Variants in MDN1 observed in about 807,000 individuals in gnomAD.
MDN1 encodes midasin.
MDN1 carries 266 observed loss-of-function variants against 669.2 expected under a neutral mutation model. The ratio of observed to expected loss-of-function variants is 0.40; its 90% CI spans 0.36 to 0.44. MDN1 has a LOEUF of 0.44. Ranked by LOEUF, MDN1 falls within the 20% of genes least tolerant of loss-of-function variation. MDN1 has a pLI of 1.00. For missense variants in MDN1, 5,940 were observed against 6,754.0 expected (o/e 0.88, Z 4.22); for synonymous variants, 2,385 against 2,457.1 (o/e 0.97, Z 0.87).
At chr6:89,749,115 C>A (rs1816822790) in intron 26 of MDN1, 108 bp downstream of exon 26, 5 of 1,043,648 alleles carry the variant, frequency 4.8e-6, no homozygotes, top group Non-Finnish European at 6.6e-6. Flanking sequence ...AAAAAAAAAT[C>A]TCTACTTGGA....
rs909595226 is a variant in MDN1, at chr6:89,701,459, A to C, written c.8427+99T>G. The C allele has an allele frequency of 2.8e-6, 4 of 1,441,258 alleles. No homozygotes were observed. In the African/African-American group the frequency reaches 4.3e-5, roughly 15 times the overall value. The allele number at this position is 1,441,258 out of a possible 1,614,324, so 89.3% of individuals were successfully genotyped here. A position where few individuals can be genotyped will look rare whatever the true frequency, so the allele number is the denominator to read the frequency against. On this transcript the variant is annotated intron_variant, in intron 55 of 101. Coordinates refer to ENST00000369393, the MANE Select transcript of MDN1 (RefSeq NM_014611.3). Reference sequence around the variant, plus strand: ...AAACTGCAAGAGTTATGCTTTCAAGACAAGGATTAATCTTATACAATGTCA... The same window carrying C: ...AAACTGCAAGAGTTATGCTTTCAAGCCAAGGATTAATCTTATACAATGTCA...
intron 1 of MDN1, among the ~76,000 whole-genome samples, chr6:89,813,592 A>ACC (rs1419591627): frequency 6.6e-6 from 1 of 151,206 alleles, no homozygotes; most frequent in African/African-American, 2.4e-5. Context: ...TTAGCCAGGC[A>ACC]TGGTATTGTG....
At chr6:89,647,783 T>G (rs943468624) in intron 99 of MDN1, among the ~76,000 whole-genome samples, 3 of 152,138 alleles carry the variant, frequency 2.0e-5, no homozygotes, top group Non-Finnish European at 4.4e-5. Flanking sequence ...AGTGAGACCC[T>G]GTCCCTACAA....
chr6:89,695,023 C>G lies in MDN1; in HGVS notation c.9771+582G>C, dbSNP rs1812640419. ...CCAAGGCGGGTGGATCACTTGAGGT[C>G]AGAATTCAAGACCAGCCTGGCCAAG... On this transcript the variant is annotated intron_variant, in intron 61 of 101. Transcript: ENST00000369393. The surrounding 1 kb of genome is among the most constrained non-coding windows in gnomAD (Gnocchi z 4.1). Among the ~76,000 whole-genome samples, 1 of 152,090 alleles carries G rather than the reference C, an allele frequency of 6.6e-6. No individual in the cohort carries two copies. The highest frequency in any genetic ancestry group is 2.1e-4 in the South Asian group (1 of 4,824).
chr6:89,749,273 A>G lies in MDN1; in HGVS notation c.3712T>C (p.Leu1238=), dbSNP rs146636029. The G allele has an allele frequency of 1.9e-6, 3 of 1,613,966 alleles. No homozygotes were observed. In the African/African-American group the frequency reaches 4.0e-5, roughly 22 times the overall value. ...AACTTGCTGCAATAGGAGGGTGGCA[A>G]ACTACACCGCTTGTGCAAGATTGTT... ...LETILHKRCS[L]PPSYCSKLVK... Residue 1238 remains leucine, a synonymous_variant, in exon 26 of 102, where the codon TTG becomes CTG. Coordinates refer to ENST00000369393, the MANE Select transcript of MDN1 (RefSeq NM_014611.3).
At chr6:89,678,885 A>AT in intron 74 of MDN1, 140 bp from the exon 75 acceptor site, 1 of 832,546 alleles carries the variant, frequency 1.2e-6, no homozygotes, top group South Asian at 2.3e-5. Flanking sequence ...GGTACTTAAC[A>AT]TAGTCCCTAG....
intron 33 of MDN1, among the ~76,000 whole-genome samples, chr6:89,735,518 C>T (rs188237744): frequency 6.6e-6 from 1 of 152,066 alleles, no homozygotes; most frequent in Non-Finnish European, 1.5e-5. Context: ...AGATTATAGG[C>T]ACGTACTACC....
intron 29 of MDN1, 125 bp downstream of exon 29, chr6:89,745,148 A>AAAG: frequency 5.9e-6 from 6 of 1,014,514 alleles, no homozygotes; most frequent in East Asian, 3.7e-5. Context: ...AAAAAAAAAA[A>AAAG]AAAAGAAAAA....
At chr6:89,664,659 T>C (rs377060453) in intron 84 of MDN1, 31 bp from the exon 85 acceptor site, 7 of 1,558,390 alleles carry the variant, frequency 4.5e-6, no homozygotes, top group Non-Finnish European at 5.3e-6. Context: ...CATAAATAAA[T>C]GAAACTTTAC....
At chr6:89,660,075 CG>C (rs1584108739) in intron 88 of MDN1, among the ~76,000 whole-genome samples, 2 of 152,108 alleles carry the variant, frequency 1.3e-5, no homozygotes. Context: ...TTAGTAGAGA[CG>C]GGGTTTCTCC....
intron 78 of MDN1, among the ~76,000 whole-genome samples, 179 bp from the exon 79 acceptor site, chr6:89,674,768 C>T (rs1350313046): frequency 6.6e-6 from 1 of 152,202 alleles, no homozygotes; most frequent in African/African-American, 2.4e-5. Context: ...TACTTAAACC[C>T]ATCCCTCAGT....
chr6:89,735,333 A>ATT (rs200979149), intron 33 of MDN1, among the ~76,000 whole-genome samples: 2 of 138,320 alleles, frequency 1.4e-5, no homozygotes, highest in Non-Finnish European at 1.6e-5. Context: ...TCACAGGTCA[A>ATT]TTTTTTTTTT....
chr6:89,674,487 C>G lies in MDN1; in HGVS notation c.12864G>C (p.Glu4288Asp), dbSNP rs1278875439. ...PPQDGVQQWTERLQHLAMQCQ... is the reference protein window; with the variant it reads ...PPQDGVQQWTDRLQHLAMQCQ... The stretch of plus-strand genomic sequence containing the variant: ...ACTGCATGGCCAGGTGCTGCAGGCG[C>G]TCTGTCCACTGCTGCACGCCATCCT... Residue 4288 changes from glutamate (E) to aspartate (D), a missense_variant, in exon 79 of 102, where the codon GAG (glutamate) becomes GAC (aspartate). Glu to Asp is a conservative substitution (Grantham distance 45, BLOSUM62 2). Coordinates refer to ENST00000369393, the MANE Select transcript of MDN1 (RefSeq NM_014611.3). 6.2e-7 allele frequency: 1 copy of G among 1,612,850 alleles called. No individual in the cohort carries two copies. The highest frequency in any genetic ancestry group is 8.5e-7 in the Non-Finnish European group (1 of 1,179,982).
At chr6:89,797,372 C>CAAAA (rs36015348) in intron 2 of MDN1, among the ~76,000 whole-genome samples, 20 of 97,438 alleles carry the variant, frequency 2.1e-4, no homozygotes, top group South Asian at 4.0e-4. Context: ...GACTCCATCT[C>CAAAA]AAAAAAAAAA....
intron 51 of MDN1, among the ~76,000 whole-genome samples, chr6:89,707,835 C>T (rs746910888): frequency 2.6e-5 from 4 of 152,190 alleles, no homozygotes; most frequent in Admixed American, 6.5e-5. Context: ...ACACACTATA[C>T]TTGTGGATTC....
At chr6:89,675,178 C>T (rs751411718) in intron 78 of MDN1, among the ~76,000 whole-genome samples, 16 of 152,198 alleles carry the variant, frequency 1.1e-4, no homozygotes, top group Non-Finnish European at 1.9e-4. Flanking sequence ...ATTCCAGACA[C>T]AGGTATAGTT....
Position 89,776,692 on chromosome 6 carries a change from G to T in MDN1, c.1729C>A (p.Leu577Ile). ...SASLNIFQEA[L>I]DCFTAMLSEH... ...GAAAGCATTGCTGTGAAACAGTCTA[G>T]AGCCTATTAAAATAACCAAGGTAAA... The change falls in exon 12 of 102, where the codon CTA becomes ATA. Residue 577 changes from leucine to isoleucine, a missense_variant. Physicochemically the swap from Leu to Ile is conservative, Grantham distance 5. Transcript: ENST00000369393. 1 of 1,586,996 alleles carries T rather than the reference G, an allele frequency of 6.3e-7. No homozygotes were observed. The highest frequency in any genetic ancestry group is 8.6e-7 in the Non-Finnish European group (1 of 1,166,962).
intron 75 of MDN1, 55 bp from the exon 76 acceptor site, chr6:89,677,751 G>GC: frequency 6.2e-7 from 1 of 1,609,274 alleles, no homozygotes; most frequent in Non-Finnish European, 8.5e-7. Flanking sequence ...GAATGGATGT[G>GC]CCCCCCTCTC....
chr6:89,770,392 C>T (rs901924678), intron 15 of MDN1, among the ~76,000 whole-genome samples: 11 of 146,484 alleles, frequency 7.5e-5, no homozygotes, highest in Non-Finnish European at 1.6e-4. Flanking sequence ...CAGAGCAAGA[C>T]TCTGTCTCAA....
Sources: gnomAD v4.1 joint callset for allele counts (sites outside exome capture counted in the v4.1 genomes callset) on GRCh38, gnomAD v4.1.1 for gene constraint, Gnocchi (gnomAD v3.1) non-coding constraint, MANE v1.5 for transcripts, NCBI Gene and HGNC (gene_info 2026-07-23, HGNC 2026-07-21) for gene names.